The following ENO3 variants were observed in gnomAD, a reference collection of about 807,000 sequenced individuals.
The protein encoded by ENO3 is enolase 3.
ENO3 carries 46 observed loss-of-function variants against 47.7 expected under a neutral mutation model. That is an observed-to-expected ratio of 0.96 (90% confidence interval 0.76 to 1.23). The LOEUF (loss-of-function observed/expected upper bound fraction) is 1.23, where lower values mean the gene tolerates loss of function less well. ENO3 is among the 50% of genes most tolerant of loss of function. The pLI, the probability that ENO3 is intolerant of heterozygous loss-of-function variation, is 0.00. For synonymous variants in ENO3, 223 were observed against 225.9 expected, an observed-to-expected ratio of 0.99 and a Z score of 0.11; for missense variants, 575 against 566.2, an observed-to-expected ratio of 1.02 and a Z score of -0.16.
intron 9 of ENO3, 101 bp downstream of exon 9, chr17:4,956,244 C>T (rs1323911782): frequency 1.2e-5 from 16 of 1,390,454 alleles, no homozygotes; most frequent in Non-Finnish European, 1.6e-5. Context: ...CTTACCTTTC[C>T]CCTGGCACCT....
rs1032755883 is a variant in ENO3, at chr17:4,956,011, A to C, written c.935A>C (p.Asn312Thr). The C allele has an allele frequency of 6.2e-6, 10 of 1,613,614 alleles. No homozygotes were observed. Among genetic ancestry groups the C allele is most frequent in the Non-Finnish European group, 8.5e-6 (10 of 1,179,912 alleles). Reference protein sequence around the residue: ...ATWTSFLSGVNIQIVGDDLTV... With the variant: ...ATWTSFLSGVTIQIVGDDLTV... ...TGGACCTCCTTCCTCTCGGGGGTGA[A>C]CATCCAGATTGTGGGGGATGACTTG... is the stretch of plus-strand genomic sequence containing the variant. The change falls in exon 9 of 12, where the codon AAC becomes ACC. Residue 312 changes from asparagine (N) to threonine (T), a missense_variant. Physicochemically the swap from Asn to Thr is moderately conservative, Grantham distance 65. Coordinates refer to ENST00000519602, the MANE Select transcript of ENO3 (RefSeq NM_053013.4).
upstream of ENO3, chr17:4,948,746 G>T: frequency 3.5e-6 from 1 of 286,862 alleles, no homozygotes; most frequent in South Asian, 5.7e-5. Flanking sequence ...AAGGATGGGG[G>T]GTGGCGGGAG....
At chr17:4,954,881 G>A (rs1971666963) in intron 6 of ENO3, among the ~76,000 whole-genome samples, 194 bp from the exon 7 acceptor site, 1 of 146,050 alleles carries the variant, frequency 6.8e-6, no homozygotes, top group Admixed American at 6.9e-5. Flanking sequence ...TGGTGACAAA[G>A]TGAGACTCCG....
At chr17:4,952,267 C>G in intron 2 of ENO3, 1 of 372,404 alleles carries the variant, frequency 2.7e-6, no homozygotes, top group South Asian at 2.1e-5. Context: ...ACCTCTGCCT[C>G]CCGGGTTTAA....
chr17:4,953,287 G>C lies in ENO3; in HGVS notation c.256G>C (p.Asp86His), dbSNP rs1029617418. 2 of 1,614,086 alleles carry C rather than the reference G, an allele frequency of 1.2e-6. No individual in the cohort carries two copies. The highest frequency in any genetic ancestry group is 2.7e-5 in the African/African-American group (2 of 74,936). Residue 86 changes from aspartate to histidine, a missense_variant, in exon 5 of 12, where the codon GAT (aspartate) becomes CAT (histidine). Asp to His is a moderately conservative substitution (Grantham distance 81). Coordinates refer to ENST00000519602, the MANE Select transcript of ENO3 (RefSeq NM_053013.4). ...ALLQKKLSVV[D>H]QEKVDKFMIE... is the part of the protein sequence containing the mutation. ...ACCCTTCCAGAAACTAAGCGTTGTG[G>C]ATCAAGAAAAAGTTGACAAATTTAT...
chr17:4,951,079 T>A (rs572034415), upstream of ENO3: 74 of 981,202 alleles, frequency 7.5e-5, no homozygotes, highest in African/African-American at 1.2e-3. Context: ...GGGGACCGAG[T>A]GGCTCAGGGA....
chr17:4,955,619 T>C lies in ENO3; in HGVS notation c.865+15T>C. 1 of 1,614,180 alleles carries C rather than the reference T, an allele frequency of 6.2e-7. No individual in the cohort carries two copies. The highest frequency in any genetic ancestry group is 1.1e-5 in the South Asian group (1 of 91,074). On this transcript the variant is annotated intron_variant, in intron 8 of 11. Transcript: ENST00000519602. Reference sequence around the variant, plus strand: ...GAACTATCCTGGTGAGGCGTTCGGGTGTCCCAGTGTTCCTGCCCGAATCCC... The same window carrying C: ...GAACTATCCTGGTGAGGCGTTCGGGCGTCCCAGTGTTCCTGCCCGAATCCC...
At chr17:4,956,380 C>T (rs557671697) in intron 9 of ENO3, 193 bp from the exon 10 acceptor site, 21 of 734,834 alleles carry the variant, frequency 2.9e-5, no homozygotes, top group Admixed American at 1.1e-4. Flanking sequence ...TCTCAGATTC[C>T]GCTGTTCTCA....
upstream of ENO3, chr17:4,950,175 G>T (rs1200894466): frequency 6.6e-6 from 1 of 152,174 alleles, no homozygotes; most frequent in Non-Finnish European, 1.5e-5. Context: ...GGCGCCGTGT[G>T]TCCCCCGCCG....
upstream of ENO3, chr17:4,951,110 G>T (rs1189685303): frequency 8.1e-6 from 8 of 987,420 alleles, no homozygotes; most frequent in Non-Finnish European, 8.4e-6. Context: ...GCCTGAGAGG[G>T]GGTGAGCTGA....
At position 4,951,816 on chromosome 17, in the gene ENO3, C is replaced by T. The variant is rs200884127; in HGVS notation, c.-2-12C>T. The T allele has an allele frequency of 8.8e-5, 142 of 1,613,960 alleles. No homozygotes were observed. The Middle Eastern group carries it at 1.5e-3, about 17-fold the overall frequency. ...CAACTGTCTACACTCACTCACACCT[C>T]CTGTCCTGCAGCCATGGCCATGCAG... On this transcript the variant is annotated splice_polypyrimidine_tract_variant and intron_variant, in intron 1 of 11. Transcript: ENST00000519602.
At chr17:4,956,384 G>C (rs1453942756) in intron 9 of ENO3, 189 bp from the exon 10 acceptor site, 1 of 743,360 alleles carries the variant, frequency 1.3e-6, no homozygotes, top group Non-Finnish European at 2.3e-6. Flanking sequence ...AGATTCCGCT[G>C]TTCTCAGCAG....
chr17:4,952,959 G>C, intron 3 of ENO3, 69 bp downstream of exon 3: 1 of 1,610,724 alleles, frequency 6.2e-7, no homozygotes. Context: ...AATGGGTAGA[G>C]GACTGGAACC....
upstream of ENO3, among the ~76,000 whole-genome samples, chr17:4,950,022 C>G (rs921852959): frequency 3.2e-5 from 4 of 123,754 alleles, no homozygotes; most frequent in Admixed American, 3.1e-4. Flanking sequence ...GGACGGGTGG[C>G]GGGGCAGGTG....
intron 9 of ENO3, chr17:4,956,355 C>T (rs892943413): frequency 6.8e-6 from 5 of 734,372 alleles, no homozygotes; most frequent in African/African-American, 3.5e-5. Context: ...CCACCCCCAG[C>T]CCACACCATT....
intron 2 of ENO3, 46 bp downstream of exon 2, chr17:4,951,960 C>A: frequency 1.3e-6 from 2 of 1,599,854 alleles, no homozygotes; most frequent in Non-Finnish European, 1.7e-6. Flanking sequence ...AGACCCCAAC[C>A]CTTTGGCCTT....
chr17:4,950,238 G>T (rs534109953), upstream of ENO3: 1 of 152,258 alleles, frequency 6.6e-6, no homozygotes, highest in African/African-American at 2.4e-5. Flanking sequence ...ACTGGCCCCA[G>T]AGCCGGCAAA....
chr17:4,953,303 A>C lies in ENO3; in HGVS notation c.272A>C (p.Asp91Ala), dbSNP rs1242628097. Reference protein sequence around the residue: ...KLSVVDQEKVDKFMIELDGTE... With the variant: ...KLSVVDQEKVAKFMIELDGTE... ...AGCGTTGTGGATCAAGAAAAAGTTG[A>C]CAAATTTATGATTGAGCTAGATGGG... The change falls in exon 5 of 12, where the codon GAC becomes GCC. Residue 91 changes from aspartate to alanine, a missense_variant. Transcript: ENST00000519602. The C allele has an allele frequency of 6.2e-7, 1 of 1,614,240 alleles. No homozygotes were observed. The highest frequency in any genetic ancestry group is 2.2e-5 in the East Asian group (1 of 44,890).
upstream of ENO3, chr17:4,951,072 G>A: frequency 1.0e-6 from 1 of 986,158 alleles, no homozygotes; most frequent in South Asian, 4.7e-5. Flanking sequence ...GCTGGCTGGG[G>A]ACCGAGTGGC....
Sources: gnomAD v4.1 joint callset for allele counts (sites outside exome capture counted in the v4.1 genomes callset) on GRCh38, gnomAD v4.1.1 for gene constraint, MANE v1.5 for transcripts, NCBI Gene and HGNC (gene_info 2026-07-23, HGNC 2026-07-21) for gene names.